The following SPAG17 variants were observed in gnomAD, a reference collection of about 807,000 sequenced individuals.
SPAG17 encodes the protein sperm associated antigen 17, also known as sperm-associated antigen 17.
SPAG17 carries 169 observed loss-of-function variants against 273.6 expected under a neutral mutation model. The ratio of observed to expected loss-of-function variants is 0.62; its 90% confidence interval spans 0.55 to 0.70. The LOEUF is 0.70. SPAG17 is among the 30% of genes least tolerant of loss of function. The pLI is 0.00. For missense variants in SPAG17, 2,557 were observed against 2,627.8 expected (o/e 0.97, Z 0.59); for synonymous variants, 825 against 873.2 (o/e 0.94, Z 0.97).
At chr1:118,010,144 A>C (rs907983761) in intron 30 of SPAG17, among the ~76,000 whole-genome samples, 1 of 152,170 alleles carries the variant, frequency 6.6e-6, no homozygotes, top group African/African-American at 2.4e-5. Context: ...AAGAGGAATA[A>C]ATTAAAGAGA....
chr1:118,056,980 CT>C (rs1173288943), intron 18 of SPAG17, among the ~76,000 whole-genome samples: 158 of 144,976 alleles, frequency 1.1e-3, no homozygotes, highest in East Asian at 1.2e-3. Flanking sequence ...TATTTTCTTT[CT>C]TTTTTTTTTT....
intron 27 of SPAG17, 36 bp downstream of exon 27, chr1:118,025,202 A>G: frequency 6.2e-7 from 1 of 1,604,814 alleles, no homozygotes; most frequent in South Asian, 1.1e-5. Context: ...TTACTTTGGA[A>G]CAGGGAAGAA....
chr1:117,970,614 A>G (rs1654444387), intron 45 of SPAG17, among the ~76,000 whole-genome samples: 1 of 152,190 alleles, frequency 6.6e-6, no homozygotes, highest in Non-Finnish European at 1.5e-5. Flanking sequence ...CTCCGAGCTC[A>G]CACATGGTGC....
intron 43 of SPAG17, among the ~76,000 whole-genome samples, chr1:117,975,870 A>G (rs754810270): frequency 5.3e-5 from 8 of 152,188 alleles, no homozygotes; most frequent in Admixed American, 3.3e-4. Context: ...TATCAGTCTA[A>G]TAAGTACTAA....
chr1:118,087,321 T>G (rs1287728235), intron 10 of SPAG17, among the ~76,000 whole-genome samples: 1 of 152,276 alleles, frequency 6.6e-6, no homozygotes, highest in East Asian at 1.9e-4. Context: ...ACATTTTTTC[T>G]TAATATTTAC....
chr1:118,136,833 T>TGTGTG lies in SPAG17; in HGVS notation c.315+13709_315+13710insCACAC, dbSNP rs1553254756. 1.1e-4 allele frequency among the ~76,000 whole-genome samples: 15 copies of TGTGTG among 137,560 alleles called. No homozygotes were observed. The East Asian group carries it at 3.1e-3, about 29-fold the overall frequency. 90.2% of individuals were successfully genotyped at this position (137,560 alleles called of 152,430 possible). ...TGTGTGTGTGTGTGTGTGTGTGTGT[T>TGTGTG]TTTAATGATGGAGGAATCATGAAAT... On this transcript the variant is annotated intron_variant, in intron 3 of 48. Coordinates refer to ENST00000336338, the MANE Select transcript of SPAG17 (RefSeq NM_206996.4).
chr1:117,956,299 A>G (rs1652186334), intron 48 of SPAG17, among the ~76,000 whole-genome samples: 1 of 152,084 alleles, frequency 6.6e-6, no homozygotes, highest in Non-Finnish European at 1.5e-5. Context: ...TTTGTCATAC[A>G]TTTTTGCAAT....
intron 1 of SPAG17, among the ~76,000 whole-genome samples, chr1:118,176,491 T>C (rs1010874083): frequency 6.6e-6 from 1 of 152,148 alleles, no homozygotes; most frequent in African/African-American, 2.4e-5. Flanking sequence ...ATGATAAAGA[T>C]GTCAATTCAA....
intron 4 of SPAG17, among the ~76,000 whole-genome samples, chr1:118,109,199 T>G (rs564056221): frequency 6.6e-6 from 1 of 150,560 alleles, no homozygotes; most frequent in Non-Finnish European, 1.5e-5. Context: ...TGGAGTGCAG[T>G]GGCGCGATGT....
chr1:117,983,052 T>C (rs1656010337), intron 42 of SPAG17, among the ~76,000 whole-genome samples: 1 of 152,164 alleles, frequency 6.6e-6, no homozygotes, highest in Admixed American at 6.5e-5. Context: ...AGACTGGGCA[T>C]GTCTACAGGA....
chr1:118,070,580 T>C (rs1653474397), intron 17 of SPAG17, among the ~76,000 whole-genome samples: 1 of 152,130 alleles, frequency 6.6e-6, no homozygotes, highest in African/African-American at 2.4e-5. Flanking sequence ...AAAGCCTAAA[T>C]CAGCACTGCT....
At chr1:117,967,416 A>T (rs1300391600) in intron 46 of SPAG17, among the ~76,000 whole-genome samples, 3 of 152,126 alleles carry the variant, frequency 2.0e-5, no homozygotes, top group South Asian at 2.1e-4. Flanking sequence ...TTAGAAGAAG[A>T]AGTATTGTCT....
intron 20 of SPAG17, among the ~76,000 whole-genome samples, chr1:118,050,871 A>G (rs1438481686): frequency 6.6e-6 from 1 of 152,232 alleles, no homozygotes; most frequent in Non-Finnish European, 1.5e-5. Context: ...AGCACAGGCA[A>G]CAAAAACAAA....
At chr1:118,079,655 ATTTAT>A (rs1472600989) in intron 15 of SPAG17, among the ~76,000 whole-genome samples, 3 of 150,066 alleles carry the variant, frequency 2.0e-5, no homozygotes, top group African/African-American at 7.4e-5. Context: ...CTTTATTTTG[ATTTAT>A]TTTGTTTGTC....
At chr1:118,121,421 C>T (rs1450028325) in intron 3 of SPAG17, among the ~76,000 whole-genome samples, 1 of 152,104 alleles carries the variant, frequency 6.6e-6, no homozygotes, top group Non-Finnish European at 1.5e-5. Context: ...CTAATCTGTC[C>T]ATGGCCTGTT....
chr1:118,000,551 T>C (rs533840958), intron 32 of SPAG17, among the ~76,000 whole-genome samples: 1 of 152,308 alleles, frequency 6.6e-6, no homozygotes, highest in Admixed American at 6.5e-5. Flanking sequence ...CCCTTGTAAG[T>C]TGGATTCCTA....
At chr1:118,036,657 T>A in intron 24 of SPAG17, 113 bp downstream of exon 24, 1 of 687,688 alleles carries the variant, frequency 1.5e-6, no homozygotes, top group Non-Finnish European at 2.5e-6. Flanking sequence ...GGAAAAACAA[T>A]GAGGAGCATT....
intron 28 of SPAG17, among the ~76,000 whole-genome samples, chr1:118,022,208 T>A (rs1345893775): frequency 6.6e-6 from 1 of 152,188 alleles, no homozygotes; most frequent in Admixed American, 6.6e-5. Flanking sequence ...AGGAAATTAC[T>A]TAACTTCTCT....
At chr1:117,999,964 A>G (rs1247082068) in intron 32 of SPAG17, among the ~76,000 whole-genome samples, 2 of 152,134 alleles carry the variant, frequency 1.3e-5, no homozygotes, top group African/African-American at 4.8e-5. Context: ...TAGGTCTAAC[A>G]TGTAAGTCTT....
Sources: allele counts gnomAD v4.1 joint callset (sites outside exome capture counted in the v4.1 genomes callset), GRCh38; gene constraint gnomAD v4.1.1; transcripts MANE v1.5; gene names NCBI Gene and HGNC (gene_info 2026-07-23, HGNC 2026-07-21).